Variants in SSX2IP observed in about 807,000 individuals in gnomAD.
SSX2IP encodes the protein afadin- and alpha-actinin-binding protein.
A neutral mutation model predicts 84.9 loss-of-function variants in SSX2IP; 55 were observed. The ratio of observed to expected loss-of-function variants is 0.65; its 90% CI spans 0.52 to 0.81. The LOEUF is 0.81. SSX2IP is among the 30% of genes least tolerant of loss of function. The pLI, the probability that SSX2IP is intolerant of heterozygous loss-of-function variation, is 0.00. For missense variants in SSX2IP, 664 were observed against 705.2 expected (o/e 0.94, Z 0.66); for synonymous variants, 239 against 234.7 (o/e 1.02, Z -0.17).
In SSX2IP at chr1:84,662,680, T is replaced by C. The variant is rs1652201684; in HGVS notation, c.674-150A>G. 4.4e-6 allele frequency: 3 copies of C among 685,144 alleles called. No homozygotes were observed. In the South Asian group the frequency reaches 6.0e-5, roughly 14 times the overall value. The allele number at this position is 685,144 out of a possible 1,614,324, so 42.4% of individuals were successfully genotyped here. A position where few individuals can be genotyped will look rare whatever the true frequency, so the allele number is the denominator to read the frequency against. ...ACAGCCTAATTTTCGAGTTTCTAGT[T>C]CCACCACTTGTAAGCAATGAGATCT... On this transcript the variant is annotated intron_variant, in intron 6 of 13. Transcript: ENST00000342203.
intron 1 of SSX2IP, among the ~76,000 whole-genome samples, chr1:84,683,200 C>G (rs1387463493): frequency 2.0e-5 from 3 of 151,608 alleles, no homozygotes. Flanking sequence ...TGCAGGTTTG[C>G]TGCACCTATC....
Position 84,671,325 on chromosome 1 carries a change from T to A in SSX2IP, c.-89-17A>T. ...AGGCATCTCCTTAAAAAGCAGATTA[T>A]AGAATAATAGCATCTAATTTAAAAT... On this transcript the variant is annotated splice_polypyrimidine_tract_variant and intron_variant, in intron 1 of 13. Transcript: ENST00000342203. 1 of 1,500,834 alleles carries A rather than the reference T, an allele frequency of 6.7e-7. No homozygotes were observed. The highest frequency in any genetic ancestry group is 1.4e-5 in the South Asian group (1 of 73,768). The allele number at this position is 1,500,834 out of a possible 1,614,324, so 93.0% of individuals were successfully genotyped here.
intron 1 of SSX2IP, among the ~76,000 whole-genome samples, chr1:84,678,812 C>T (rs1389249882): frequency 4.6e-5 from 7 of 152,202 alleles, no homozygotes; most frequent in Admixed American, 4.6e-4. Flanking sequence ...ATTTCCCTCA[C>T]AAAGTACAGT....
chr1:84,646,794 A>T lies in SSX2IP; in HGVS notation c.*639T>A, dbSNP rs1649510580. 1 of 152,574 alleles carries T rather than the reference A, an allele frequency of 6.6e-6. No homozygotes were observed. The highest frequency in any genetic ancestry group is 6.6e-5 in the Admixed American group (1 of 15,264). 9.5% of individuals were successfully genotyped at this position (152,574 alleles called of 1,614,324 possible). ...TTATTGCCCAGATGTATTAAAGAGA[A>T]TTCTTAAATGTAATGCATCAATGGT... On this transcript the variant is annotated 3_prime_UTR_variant, in exon 14 of 14. Transcript: ENST00000342203.
intron 1 of SSX2IP, among the ~76,000 whole-genome samples, chr1:84,679,009 ACTG>A (rs1654731144): frequency 6.6e-6 from 1 of 152,246 alleles, no homozygotes; most frequent in Non-Finnish European, 1.5e-5. Context: ...AATAGAGCTA[ACTG>A]AAGTCTTTGC....
intron 1 of SSX2IP, among the ~76,000 whole-genome samples, chr1:84,687,546 A>G (rs1352028262): frequency 1.3e-5 from 2 of 152,178 alleles, no homozygotes; most frequent in African/African-American, 4.8e-5. Context: ...AGTAGAAGAT[A>G]CTTAAGAAAG....
intron 11 of SSX2IP, 39 bp from the exon 12 acceptor site, chr1:84,652,036 AACATCC>A: frequency 6.9e-7 from 1 of 1,441,830 alleles, no homozygotes; most frequent in East Asian, 2.3e-5. Flanking sequence ...TCAATATTTC[AACATCC>A]ACACAGTTGC....
In SSX2IP at chr1:84,656,024, T is replaced by C. The variant is rs754373941; in HGVS notation, c.1216-19A>G. 80 of 1,602,542 alleles carry C rather than the reference T, an allele frequency of 5.0e-5. No individual in the cohort carries two copies. Among genetic ancestry groups the C allele is most frequent in the Non-Finnish European group, 6.8e-5 (80 of 1,175,740 alleles). ...GCTGCTGCTATTAAAATTTAAAACA[T>C]AGTAAGTTCCTGAGGGACCTTGCGA... On this transcript the variant is annotated intron_variant, in intron 10 of 13. Coordinates refer to ENST00000342203, the MANE Select transcript of SSX2IP (RefSeq NM_001166293.2).
chr1:84,688,126 A>C (rs1656045241), intron 1 of SSX2IP, among the ~76,000 whole-genome samples: 1 of 152,254 alleles, frequency 6.6e-6, no homozygotes, highest in Admixed American at 6.5e-5. Context: ...ACTAAAGAAT[A>C]ATTCAGTAAA....
chr1:84,677,205 T>G (rs892050743), intron 1 of SSX2IP, among the ~76,000 whole-genome samples: 1 of 152,208 alleles, frequency 6.6e-6, no homozygotes, highest in African/African-American at 2.4e-5. Flanking sequence ...CACTGGAACT[T>G]ATATACTAAT....
At chr1:84,664,656 G>T in intron 5 of SSX2IP, 104 bp from the exon 6 acceptor site, 2 of 993,174 alleles carry the variant, frequency 2.0e-6, no homozygotes, top group Non-Finnish European at 1.4e-6. Flanking sequence ...ATCCTAGGAT[G>T]ATTCTTCCTT....
In SSX2IP at chr1:84,682,008, T is replaced by C. The variant is rs145263248; in HGVS notation, c.-90+8363A>G. Among the ~76,000 whole-genome samples, 302 of 152,258 alleles carry C rather than the reference T, an allele frequency of 2.0e-3. 2 individuals are homozygous for C. The highest frequency in any genetic ancestry group is 6.5e-3 in the African/African-American group (268 of 41,542). On this transcript the variant is annotated intron_variant, in intron 1 of 13. Coordinates refer to ENST00000342203, the MANE Select transcript of SSX2IP (RefSeq NM_001166293.2). ...ACCTTGGTAGGAGGAAAGAGGGAAA[T>C]TGACTTTATTAACACCCTCTTCAAA... is the stretch of plus-strand genomic sequence containing the variant.
intron 13 of SSX2IP, chr1:84,649,746 T>A (rs1342228437): frequency 3.2e-6 from 1 of 317,214 alleles, no homozygotes; most frequent in African/African-American, 2.2e-5. Flanking sequence ...TTAAAACTAA[T>A]CTTGGAATTG....
chr1:84,651,267 G>A (rs1225637397), intron 12 of SSX2IP, among the ~76,000 whole-genome samples: 2 of 151,932 alleles, frequency 1.3e-5, no homozygotes, highest in African/African-American at 2.4e-5. Context: ...GCAGAGAGCC[G>A]AGATGCACTC....
At chr1:84,651,767 G>A in intron 12 of SSX2IP, 116 bp downstream of exon 12, 1 of 639,210 alleles carries the variant, frequency 1.6e-6, no homozygotes. Flanking sequence ...GTTATAATTA[G>A]AGAGCTCTAA....
chr1:84,650,284 G>T, intron 13 of SSX2IP, 78 bp downstream of exon 13: 1 of 1,416,282 alleles, frequency 7.1e-7, no homozygotes, highest in Non-Finnish European at 1.0e-6. Context: ...TAATACTACA[G>T]ACATGCCACC....
intron 1 of SSX2IP, among the ~76,000 whole-genome samples, chr1:84,683,961 T>C (rs1328548194): frequency 6.6e-6 from 1 of 152,176 alleles, no homozygotes; most frequent in South Asian, 2.1e-4. Flanking sequence ...TAGAAGTCTA[T>C]CAACTTTTAA....
intron 1 of SSX2IP, among the ~76,000 whole-genome samples, chr1:84,681,308 T>C (rs1655049748): frequency 6.6e-6 from 1 of 152,218 alleles, no homozygotes; most frequent in Admixed American, 6.5e-5. Flanking sequence ...ATATCCATCA[T>C]GGACAAACTG....
chr1:84,658,455 A>C lies in SSX2IP; in HGVS notation c.941T>G (p.Val314Gly). Residue 314 changes from valine to glycine, a missense_variant, in exon 9 of 14, where the codon GTT (valine) becomes GGT (glycine). Coordinates refer to ENST00000342203, the MANE Select transcript of SSX2IP (RefSeq NM_001166293.2). ...GCTTAGTTCCCCGGCATCTTCTTCA[A>C]CATCGGAAATAACCTACAAGCGGAG... ...DDSTGTVISD[V>G]EEDAGELSRE... 2 of 1,614,026 alleles carry C rather than the reference A, an allele frequency of 1.2e-6. No homozygotes were observed. Among genetic ancestry groups the C allele is most frequent in the Non-Finnish European group, 1.7e-6 (2 of 1,179,952 alleles).
Sources: allele counts gnomAD v4.1 joint callset (sites outside exome capture counted in the v4.1 genomes callset), GRCh38; gene constraint gnomAD v4.1.1; transcripts MANE v1.5; gene names NCBI Gene and HGNC (gene_info 2026-07-23, HGNC 2026-07-21).